The following ITSN2 variants were observed in gnomAD, a reference collection of about 807,000 sequenced individuals.
ITSN2 encodes the protein intersectin 2, also known as intersectin-2.
ITSN2 carries 156 observed loss-of-function variants against 243.7 expected under a neutral mutation model. The ratio of observed to expected loss-of-function variants is 0.64; its 90% CI spans 0.56 to 0.73. ITSN2 has a LOEUF of 0.73. ITSN2 is among the 30% of genes least tolerant of loss of function. The pLI is 0.00. For synonymous variants in ITSN2, 703 were observed against 699.9 expected, an observed-to-expected ratio of 1.00 and a Z score of -0.07; for missense variants, 1,801 against 1,996.1, an observed-to-expected ratio of 0.90 and a Z score of 1.86.
chr2:24,289,903 A>G (rs1213719645), intron 15 of ITSN2, among the ~76,000 whole-genome samples: 2 of 152,228 alleles, frequency 1.3e-5, no homozygotes, highest in East Asian at 3.8e-4. Context: ...CCCCGATCTT[A>G]GATGAAAAGT....
rs754070603 is a variant in ITSN2 at position 24,207,879 on chromosome 2, CAG to C, written c.4678+356_4678+357del. 6.2e-4 allele frequency among the ~76,000 whole-genome samples: 94 copies of C among 151,690 alleles called. 1 individual carries two copies. The highest frequency in any genetic ancestry group is 1.2e-3 in the Non-Finnish European group (83 of 67,884). ...AGGGTGAGGAGGAGCAGTGGCTGCT[CAG>C]GAGCTGAAGGGAGACAGACCACAGG... On this transcript the variant is annotated intron_variant, in intron 37 of 39. Transcript: ENST00000355123.
At chr2:24,360,899 C>A (rs1055317971), upstream of ITSN2, among the ~76,000 whole-genome samples, 2 of 152,352 alleles carry the variant, frequency 1.3e-5, no homozygotes, top group African/African-American at 4.8e-5. Flanking sequence ...CCCTGTTGCA[C>A]CCACCACGGG....
intron 1 of ITSN2, among the ~76,000 whole-genome samples, chr2:24,333,573 GTTCA>G (rs1686022890): frequency 6.6e-6 from 1 of 152,130 alleles, no homozygotes; most frequent in African/African-American, 2.4e-5. Flanking sequence ...TTTTTAGAAT[GTTCA>G]TATGATTTTC....
intron 15 of ITSN2, among the ~76,000 whole-genome samples, chr2:24,291,779 C>T (rs997373405): frequency 6.6e-6 from 1 of 152,198 alleles, no homozygotes; most frequent in African/African-American, 2.4e-5. Context: ...TGAGCCACTG[C>T]ACCCGGCCCA....
At chr2:24,357,159 C>T (rs2702138) in intron 1 of ITSN2, among the ~76,000 whole-genome samples, 12 of 152,312 alleles carry the variant, frequency 7.9e-5, no homozygotes, top group Admixed American at 2.0e-4. Flanking sequence ...TCATTCTACT[C>T]TAAAGACACA....
intron 2 of ITSN2, 148 bp downstream of exon 2, chr2:24,327,904 T>A: frequency 1.6e-6 from 1 of 640,678 alleles, no homozygotes; most frequent in Non-Finnish European, 2.7e-6. Flanking sequence ...ACAGAAGACA[T>A]ATGCAGTGTT....
rs771882498 is a variant in ITSN2, at chr2:24,271,809, T to C, written c.2214A>G (p.Lys738=). 2 of 1,607,068 alleles carry C rather than the reference T, an allele frequency of 1.2e-6. No homozygotes were observed. The highest frequency in any genetic ancestry group is 1.1e-5 in the South Asian group (1 of 88,280). The part of the protein sequence containing the change: ...IQEEERKAEE[K]QRKDKDTLKA... ...TCAAAGTATCCTTATCCTTACGTTG[T>C]TTCTCCTCAGCTTTCCGTTCCTCTT... is the stretch of plus-strand genomic sequence containing the variant. Residue 738 remains lysine (K), a synonymous_variant, in exon 19 of 40, where the codon AAA becomes AAG. Coordinates refer to ENST00000355123, the MANE Select transcript of ITSN2 (RefSeq NM_006277.3).
At chr2:24,346,319 CACTA>C (rs1481722108) in intron 1 of ITSN2, among the ~76,000 whole-genome samples, 1 of 152,170 alleles carries the variant, frequency 6.6e-6, no homozygotes, top group Non-Finnish European at 1.5e-5. Context: ...CCTAAAAATT[CACTA>C]ACTTAGTCCA....
intron 17 of ITSN2, among the ~76,000 whole-genome samples, chr2:24,277,849 A>C (rs1678211941): frequency 6.6e-6 from 1 of 152,220 alleles, no homozygotes; most frequent in African/African-American, 2.4e-5. Context: ...ATAAATAAAT[A>C]AAATTGCAAA....
At chr2:24,321,580 C>T (rs1447739313) in intron 2 of ITSN2, among the ~76,000 whole-genome samples, 1 of 152,080 alleles carries the variant, frequency 6.6e-6, no homozygotes, top group Non-Finnish European at 1.5e-5. Context: ...AATAGCTAAA[C>T]CTACACACTT....
At position 24,308,693 on chromosome 2, in the gene ITSN2, T is replaced by TTTC; in HGVS notation, c.716_717insGAA (p.Ala239_Val240insLys). On this transcript the variant is annotated inframe_insertion, in exon 8 of 40. Transcript: ENST00000355123. ...ATTTTAATCTTGTAGGCTGAGGAAC[T>TTTC]GCCCACTCTGAGGTCCCAGTCTTGG... The TTTC allele has an allele frequency of 6.5e-7, 1 of 1,532,248 alleles. No homozygotes were observed. Among genetic ancestry groups the TTTC allele is most frequent in the South Asian group, 1.3e-5 (1 of 75,300 alleles). 94.9% of individuals were successfully genotyped at this position (1,532,248 alleles called of 1,614,324 possible).
At chr2:24,305,576 CAAAAAAAAA>C (rs537945691) in intron 8 of ITSN2, among the ~76,000 whole-genome samples, 13 of 40,900 alleles carry the variant, frequency 3.2e-4, no homozygotes, top group African/African-American at 6.7e-4. Context: ...GACTCTGTCT[CAAAAAAAAA>C]AAAAAAAAAA....
chr2:24,256,693 G>A (rs1675094451), intron 23 of ITSN2, among the ~76,000 whole-genome samples: 1 of 152,026 alleles, frequency 6.6e-6, no homozygotes, highest in African/African-American at 2.4e-5. Context: ...CAGCTAATAT[G>A]ATTGAGCAGC....
intron 1 of ITSN2, among the ~76,000 whole-genome samples, chr2:24,351,450 G>A (rs1688012023): frequency 6.6e-6 from 1 of 152,144 alleles, no homozygotes; most frequent in African/African-American, 2.4e-5. Context: ...GAATCCCAGT[G>A]CAAGTACTTC....
rs1182218696 is a variant in ITSN2, at chr2:24,271,820, C to T, written c.2203G>A (p.Ala735Thr). Residue 735 changes from alanine (A) to threonine (T), a missense_variant, in exon 19 of 40, where the codon GCT (alanine) becomes ACT (threonine). Physicochemically the swap from Ala to Thr is moderately conservative, Grantham distance 58. Transcript: ENST00000355123. ...TTATCCTTACGTTGTTTCTCCTCAG[C>T]TTTCCGTTCCTCTTCTTGAATTTTT... The part of the protein sequence containing the change: ...QEKIQEEERK[A>T]EEKQRKDKDT... 6.2e-7 allele frequency: 1 copy of T among 1,609,170 alleles called. No individual in the cohort carries two copies.
chr2:24,344,984 T>C (rs1024145956), intron 1 of ITSN2, among the ~76,000 whole-genome samples: 1 of 152,042 alleles, frequency 6.6e-6, no homozygotes, highest in Non-Finnish European at 1.5e-5. Context: ...AATAAACGGG[T>C]AAAATCTGTA....
chr2:24,231,430 C>T (rs561057699), intron 29 of ITSN2, among the ~76,000 whole-genome samples: 1 of 152,256 alleles, frequency 6.6e-6, no homozygotes, highest in South Asian at 2.1e-4. Flanking sequence ...ATGAAAACTT[C>T]CTGGTAGGTC....
Position 24,246,126 on chromosome 2 carries a change from C to T in ITSN2, c.3577+3G>A. Reference sequence around the variant, plus strand: ...GAGAGAAAAATAATTTAATATTACTCACACTGTTGACTTGGATCTGAGTCT... The same window carrying T: ...GAGAGAAAAATAATTTAATATTACTTACACTGTTGACTTGGATCTGAGTCT... On this transcript the variant is annotated splice_donor_region_variant and intron_variant, in intron 29 of 39. Coordinates refer to ENST00000355123, the MANE Select transcript of ITSN2 (RefSeq NM_006277.3). The T allele has an allele frequency of 1.2e-6, 2 of 1,601,264 alleles. No individual in the cohort carries two copies. The highest frequency in any genetic ancestry group is 2.2e-5 in the South Asian group (2 of 90,104).
At position 24,230,955 on chromosome 2, in the gene ITSN2, G is replaced by A. The variant is rs79749854; in HGVS notation, c.3578-9889C>T. ...CCCTCTTCCCACCGCACAGGCCTCC[G>A]CACTATTCCTCAGGCACCACAGGAT... On this transcript the variant is annotated intron_variant, in intron 29 of 39. Coordinates refer to ENST00000355123, the MANE Select transcript of ITSN2 (RefSeq NM_006277.3). 1.9e-4 allele frequency among the ~76,000 whole-genome samples: 29 copies of A among 151,012 alleles called. No individual in the cohort carries two copies. The South Asian group carries it at 3.8e-3, about 20-fold the overall frequency.
Sources: gnomAD v4.1 joint callset for allele counts (sites outside exome capture counted in the v4.1 genomes callset) on GRCh38, gnomAD v4.1.1 for gene constraint, MANE v1.5 for transcripts, NCBI Gene and HGNC (gene_info 2026-07-23, HGNC 2026-07-21) for gene names.